SIAH2: variants seen among roughly 807,000 people sequenced by gnomAD.
SIAH2 encodes the protein siah E3 ubiquitin protein ligase 2, also known as E3 ubiquitin-protein ligase SIAH2.
Under a neutral mutation model 20.4 loss-of-function variants are expected in SIAH2, and 4 were observed. The observed-to-expected ratio is 0.20, with a 90% CI of 0.10 to 0.45. The LOEUF is 0.45. SIAH2 is among the 20% of genes least tolerant of loss of function. SIAH2 has a pLI of 0.99. For synonymous variants in SIAH2, 171 were observed against 192.5 expected, an observed-to-expected ratio of 0.89 and a Z score of 0.93; for missense variants, 259 against 440.3, an observed-to-expected ratio of 0.59 and a Z score of 3.69.
At chr3:150,748,777 T>C (rs1879420) in intron 1 of SIAH2, among the ~76,000 whole-genome samples, 9,976 of 152,302 alleles carry the variant, frequency 0.066, 647 homozygotes, top group East Asian at 0.33. Context: ...TGGCACTTTC[T>C]TTCAACCTAA....
In SIAH2 at chr3:150,742,209, T is replaced by C. The variant is rs781006761; in HGVS notation, c.907A>G (p.Ile303Val). ...NSDCLVFDTAIAHLFADNGNL... is the reference protein window; with the variant it reads ...NSDCLVFDTAVAHLFADNGNL... ...CCATTATCTGCAAAAAGATGTGCTA[T>C]GGCTGTGTCGAAAACAAGGCAGTCG... The change falls in exon 2 of 2, where the codon ATA becomes GTA. Residue 303 changes from isoleucine (I) to valine (V), a missense_variant. By Grantham distance (29) the Ile-to-Val change is conservative. This residue lies in a region of SIAH2 where 160 missense variants were observed against 327.6 expected (regional missense o/e 0.49). Transcript: ENST00000312960. The surrounding 1 kb of genome is among the most constrained non-coding windows in gnomAD (Gnocchi z 4.8). 6.2e-7 allele frequency: 1 copy of C among 1,614,220 alleles called. No homozygotes were observed.
intron 1 of SIAH2, among the ~76,000 whole-genome samples, chr3:150,743,273 G>A (rs1314134831): frequency 1.3e-5 from 2 of 152,250 alleles, no homozygotes; most frequent in Non-Finnish European, 2.9e-5. Flanking sequence ...CTAGGGCAGC[G>A]GAGGCCTGGA....
intron 1 of SIAH2, among the ~76,000 whole-genome samples, chr3:150,749,021 G>A (rs1714290779): frequency 6.6e-6 from 1 of 152,118 alleles, no homozygotes; most frequent in Non-Finnish European, 1.5e-5. Flanking sequence ...GAGGTATTTA[G>A]GGGTAAAGGG....
chr3:150,749,009 A>G (rs902101981), intron 1 of SIAH2, among the ~76,000 whole-genome samples: 4 of 152,192 alleles, frequency 2.6e-5, no homozygotes, highest in Admixed American at 6.5e-5. Flanking sequence ...ATGAAACACA[A>G]TGAGGTATTT....
intron 1 of SIAH2, among the ~76,000 whole-genome samples, chr3:150,750,037 G>A (rs1178193859): frequency 1.3e-5 from 2 of 152,178 alleles, no homozygotes; most frequent in Non-Finnish European, 2.9e-5. Context: ...CAACTGGAAG[G>A]ATGAATTTCT....
At position 150,747,678 on chromosome 3, in the gene SIAH2, C is replaced by G. The variant is rs149631231; in HGVS notation, c.418-4980G>C. 2.2e-4 allele frequency among the ~76,000 whole-genome samples: 34 copies of G among 152,234 alleles called. 1 individual carries two copies. Among genetic ancestry groups the G allele is most frequent in the African/African-American group, 7.9e-4 (33 of 41,536 alleles). Reference sequence around the variant, plus strand: ...AGGTAGGACCGGGCGCGATGGCTCACTTCTGTAATCCCAGAACTTTGGGAG... The same window carrying G: ...AGGTAGGACCGGGCGCGATGGCTCAGTTCTGTAATCCCAGAACTTTGGGAG... On this transcript the variant is annotated intron_variant, in intron 1 of 1. Transcript: ENST00000312960.
intron 1 of SIAH2, among the ~76,000 whole-genome samples, chr3:150,758,841 C>CAAG (rs953480064): frequency 6.6e-6 from 1 of 151,338 alleles, no homozygotes; most frequent in African/African-American, 2.4e-5. Context: ...CTCCCGGGTT[C>CAAG]AAGCAATTCT....
Position 150,762,149 on chromosome 3 carries a change from CT to C in SIAH2, c.417+283del. On this transcript the variant is annotated intron_variant, in intron 1 of 1. Transcript: ENST00000312960. This position sits in a 1 kb window ranked among gnomAD's most constrained non-coding sequence, Gnocchi z 6.6. ...CTACCGAGAGTACCCGAATACACGT[CT>C]GCAGAGGACGCGGGCATTGGGCCGG... 2 of 452,396 alleles carry C rather than the reference CT, an allele frequency of 4.4e-6. No homozygotes were observed. Among genetic ancestry groups the C allele is most frequent in the South Asian group, 4.6e-5 (2 of 43,676 alleles). The allele number at this position is 452,396 out of a possible 1,614,324, so 28.0% of individuals were successfully genotyped here. A position where few individuals can be genotyped will look rare whatever the true frequency, so the allele number is the denominator to read the frequency against.
At chr3:150,746,961 G>C (rs1291893109) in intron 1 of SIAH2, among the ~76,000 whole-genome samples, 1 of 152,250 alleles carries the variant, frequency 6.6e-6, no homozygotes, top group African/African-American at 2.4e-5. Context: ...GATGCTCCCA[G>C]AGTGTGGCTG....
chr3:150,750,054 A>C (rs1475727107), intron 1 of SIAH2, among the ~76,000 whole-genome samples: 4 of 152,230 alleles, frequency 2.6e-5, no homozygotes, highest in Admixed American at 2.6e-4. Flanking sequence ...TTCTGACAGT[A>C]TAATTTATTA....
chr3:150,748,540 G>T (rs967504472), intron 1 of SIAH2, among the ~76,000 whole-genome samples: 1 of 152,190 alleles, frequency 6.6e-6, no homozygotes, highest in Non-Finnish European at 1.5e-5. Context: ...AGCAGCATGT[G>T]CTCCACAGCA....
chr3:150,748,557 T>C (rs2108119391), intron 1 of SIAH2, among the ~76,000 whole-genome samples: 1 of 152,362 alleles, frequency 6.6e-6, no homozygotes, highest in South Asian at 2.1e-4. Context: ...AGCAGAAGCA[T>C]GGCTCTTTAG....
At chr3:150,752,963 G>A (rs1238609028) in intron 1 of SIAH2, among the ~76,000 whole-genome samples, 2 of 152,200 alleles carry the variant, frequency 1.3e-5, no homozygotes, top group African/African-American at 4.8e-5. Flanking sequence ...ACGAGCATGG[G>A]TGCCTAGCTC....
Position 150,742,275 on chromosome 3 carries a change from G to T in SIAH2, c.841C>A (p.Arg281Ser). 6.2e-7 allele frequency: 1 copy of T among 1,614,140 alleles called. No homozygotes were observed. The highest frequency in any genetic ancestry group is 1.6e-4 in the Middle Eastern group (1 of 6,062). Residue 281 changes from arginine to serine, a missense_variant, in exon 2 of 2, where the codon CGT becomes AGT. By Grantham distance (110) the Arg-to-Ser change is moderately radical. Around this residue, in one of 2 missense-constraint regions of SIAH2, gnomAD observed 160 missense variants for 327.6 expected, o/e 0.49. Transcript: ENST00000312960. The surrounding 1 kb of genome is among the most constrained non-coding windows in gnomAD (Gnocchi z 4.8). ...GCAGCCACACCGTCATGAATCGAACGGGGCGTGGCCTCCCAGGTCAATCTC... is the reference window on the plus strand; with the variant it reads ...GCAGCCACACCGTCATGAATCGAACTGGGCGTGGCCTCCCAGGTCAATCTC... ...RRRLTWEATP[R>S]SIHDGVAAAI...
At chr3:150,756,160 T>C (rs1714481576) in intron 1 of SIAH2, among the ~76,000 whole-genome samples, 1 of 152,192 alleles carries the variant, frequency 6.6e-6, no homozygotes, top group Non-Finnish European at 1.5e-5. Context: ...CTTAAAAGGA[T>C]ACCCCGAATC....
intron 1 of SIAH2, among the ~76,000 whole-genome samples, chr3:150,753,203 GGA>G (rs1714408231): frequency 6.6e-6 from 1 of 152,224 alleles, no homozygotes; most frequent in Non-Finnish European, 1.5e-5. Context: ...AGTAGACTTA[GGA>G]GAGTTTCAGA....
intron 1 of SIAH2, among the ~76,000 whole-genome samples, chr3:150,753,583 C>T (rs1165491049): frequency 6.6e-6 from 1 of 152,146 alleles, no homozygotes; most frequent in African/African-American, 2.4e-5. Flanking sequence ...CACTTGAGCT[C>T]AGGTGTTCAA....
chr3:150,750,607 G>A (rs956043628), intron 1 of SIAH2, among the ~76,000 whole-genome samples: 2 of 151,872 alleles, frequency 1.3e-5, no homozygotes, highest in Admixed American at 1.3e-4. Flanking sequence ...TTGAAATGAC[G>A]GGGTCTCACT....
Position 150,742,742 on chromosome 3 carries a change from C to T in SIAH2, c.418-44G>A, listed in dbSNP as rs1443288570. On this transcript the variant is annotated intron_variant, in intron 1 of 1. Transcript: ENST00000312960. This position sits in a 1 kb window ranked among gnomAD's most constrained non-coding sequence, Gnocchi z 4.8. ...ATTGAGCCATTGGGCCTTCTCAAAA[C>T]TTCTATTGCTTCAACCCTCTATGAG... The T allele has an allele frequency of 6.8e-7, 1 of 1,477,250 alleles. No individual in the cohort carries two copies. Among genetic ancestry groups the T allele is most frequent in the South Asian group, 1.4e-5 (1 of 73,062 alleles). 91.5% of individuals were successfully genotyped at this position (1,477,250 alleles called of 1,614,324 possible). A position where few individuals can be genotyped will look rare whatever the true frequency, so the allele number is the denominator to read the frequency against.
Sources: allele counts gnomAD v4.1 joint callset (sites outside exome capture counted in the v4.1 genomes callset), GRCh38; gene constraint gnomAD v4.1.1; regional missense constraint gnomAD v4.1.1; non-coding constraint Gnocchi (gnomAD v3.1); transcripts MANE v1.5; gene names NCBI Gene and HGNC (gene_info 2026-07-23, HGNC 2026-07-21).